Variants in NRF1 observed in about 807,000 individuals in gnomAD.
NRF1 encodes the protein nuclear respiratory factor 1.
Under a neutral mutation model 58.5 loss-of-function variants are expected in NRF1, and 5 were observed. The ratio of observed to expected loss-of-function variants is 0.09; its 90% CI spans 0.04 to 0.18. The LOEUF is 0.18. Among genes scored for constraint, NRF1 ranks in the 10% least tolerant of loss-of-function variants. The probability of loss-of-function intolerance (pLI) is 1.00; values close to 1 mark genes in which losing one functional copy is unlikely to be tolerated. For synonymous variants in NRF1, 224 were observed against 246.7 expected (o/e 0.91, Z 0.86); for missense variants, 288 against 657.7 (o/e 0.44, Z 6.15).
chr7:129,754,997 G>A, intron 10 of NRF1, 21 bp from the exon 11 acceptor site: 1 of 1,565,308 alleles, frequency 6.4e-7, no homozygotes, highest in South Asian at 1.2e-5. Flanking sequence ...CCCACCAACG[G>A]TCTTCTCTTT....
chr7:129,707,515 CCTTT>C (rs1802979382), intron 5 of NRF1, among the ~76,000 whole-genome samples: 1 of 152,064 alleles, frequency 6.6e-6, no homozygotes, highest in African/African-American at 2.4e-5. Context: ...AAGATTAAGC[CCTTT>C]CTTGCTCTAT....
At chr7:129,712,482 C>T (rs1247735292) in intron 8 of NRF1, among the ~76,000 whole-genome samples, 2 of 152,176 alleles carry the variant, frequency 1.3e-5, no homozygotes, top group African/African-American at 2.4e-5. Flanking sequence ...TTGTGCCCCT[C>T]AGGAGAGGGG....
At chr7:129,719,833 G>A (rs1048151870) in intron 9 of NRF1, among the ~76,000 whole-genome samples, 1 of 152,260 alleles carries the variant, frequency 6.6e-6, no homozygotes, top group Middle Eastern at 3.4e-3. Context: ...CCGCCCGACT[G>A]TAGCTTGGGG....
intron 1 of NRF1, among the ~76,000 whole-genome samples, chr7:129,627,266 A>G (rs12537713): frequency 0.13 from 20,279 of 152,202 alleles, 1,680 homozygotes; most frequent in Admixed American, 0.23. Flanking sequence ...GCTGGAGTGT[A>G]GTTAGCACAG....
At chr7:129,668,274 C>T (rs768802929) in intron 2 of NRF1, among the ~76,000 whole-genome samples, 21 of 152,206 alleles carry the variant, frequency 1.4e-4, no homozygotes, top group Admixed American at 1.3e-3. Context: ...GTCAGTTCCA[C>T]ACTAGTTTAA....
intron 1 of NRF1, among the ~76,000 whole-genome samples, chr7:129,629,152 C>G (rs1800991020): frequency 1.3e-5 from 2 of 152,148 alleles, no homozygotes; most frequent in South Asian, 4.1e-4. Flanking sequence ...GAGAAAATGT[C>G]TGTCAAATAC....
intron 10 of NRF1, among the ~76,000 whole-genome samples, chr7:129,728,004 G>C (rs1167912625): frequency 6.6e-6 from 1 of 152,108 alleles, no homozygotes; most frequent in African/African-American, 2.4e-5. Context: ...GAAATATGGT[G>C]GCAAAAATAT....
chr7:129,625,642 A>T (rs1800895857), intron 1 of NRF1, among the ~76,000 whole-genome samples: 2 of 148,846 alleles, frequency 1.3e-5, no homozygotes, highest in South Asian at 4.3e-4. Flanking sequence ...CTGGGACTGC[A>T]GGCATGTGCC....
chr7:129,748,164 A>T (rs1281588705), intron 10 of NRF1, among the ~76,000 whole-genome samples: 2 of 150,072 alleles, frequency 1.3e-5, no homozygotes, highest in African/African-American at 2.5e-5. Flanking sequence ...AATCCCAGCT[A>T]CTCAGGAGGC....
chr7:129,741,999 T>C lies in NRF1; in HGVS notation c.1349-13019T>C, dbSNP rs1187204973. On this transcript the variant is annotated intron_variant, in intron 10 of 10. Transcript: ENST00000393232. The surrounding 1 kb of genome is among the most constrained non-coding windows in gnomAD (Gnocchi z 4.0). ...AGGATATCAAATGAAGGGGAGGTTG[T>C]GGTTGGAGTCAGTGAAGTGAATGTC... Among the ~76,000 whole-genome samples the C allele has an allele frequency of 1.3e-5, 2 of 152,288 alleles. No homozygotes were observed. The highest frequency in any genetic ancestry group is 3.9e-4 in the East Asian group (2 of 5,180).
chr7:129,704,903 T>G (rs147936451), intron 5 of NRF1, among the ~76,000 whole-genome samples: 135 of 152,322 alleles, frequency 8.9e-4, no homozygotes, highest in African/African-American at 3.0e-3. Flanking sequence ...TGTTTCTGAG[T>G]CCTTATTTGT....
At chr7:129,653,291 AT>A (rs1327171166) in intron 1 of NRF1, among the ~76,000 whole-genome samples, 1 of 152,168 alleles carries the variant, frequency 6.6e-6, no homozygotes, top group African/African-American at 2.4e-5. Context: ...ATAAAACTGT[AT>A]TTTTTATAGC....
At chr7:129,659,722 C>G (rs989561683) in intron 2 of NRF1, among the ~76,000 whole-genome samples, 2 of 152,200 alleles carry the variant, frequency 1.3e-5, no homozygotes, top group Admixed American at 6.5e-5. Flanking sequence ...TGGCCTGCCC[C>G]CCTCTCCCGG....
intron 2 of NRF1, 124 bp downstream of exon 2, chr7:129,657,698 C>T: frequency 1.6e-6 from 1 of 642,796 alleles, no homozygotes; most frequent in Non-Finnish European, 2.6e-6. Context: ...CAGCCTTGAT[C>T]TTCCGGGTTC....
At chr7:129,662,115 C>T (rs186718518) in intron 2 of NRF1, among the ~76,000 whole-genome samples, 153 of 150,782 alleles carry the variant, frequency 1.0e-3, no homozygotes, top group Non-Finnish European at 1.8e-3. Flanking sequence ...AAGACCTGCC[C>T]GCATGATTCA....
chr7:129,707,626 C>T lies in NRF1; in HGVS notation c.607-1449C>T, dbSNP rs755879777. 2.0e-5 allele frequency among the ~76,000 whole-genome samples: 3 copies of T among 152,056 alleles called. No homozygotes were observed. In the East Asian group the frequency reaches 5.8e-4, roughly 29 times the overall value. ...TTCTTAAAATAACTGAAGTAATGACCGCATGAGCCAGCTGATGGGTTTTTA... is the reference window on the plus strand; with the variant it reads ...TTCTTAAAATAACTGAAGTAATGACTGCATGAGCCAGCTGATGGGTTTTTA... On this transcript the variant is annotated intron_variant, in intron 5 of 10. Transcript: ENST00000393232.
At chr7:129,692,699 CTATGTAATCTG>C (rs1262941752) in intron 5 of NRF1, among the ~76,000 whole-genome samples, 1 of 152,134 alleles carries the variant, frequency 6.6e-6, no homozygotes. Flanking sequence ...TTTGAAGGCC[CTATGTAATCTG>C]ACCTCTTCCT....
At chr7:129,689,280 A>T (rs1307422093) in intron 4 of NRF1, among the ~76,000 whole-genome samples, 1 of 152,172 alleles carries the variant, frequency 6.6e-6, no homozygotes, top group African/African-American at 2.4e-5. Context: ...TTTAATCCAC[A>T]TAATGAGGTA....
chr7:129,696,295 G>C (rs10230364), intron 5 of NRF1, among the ~76,000 whole-genome samples: 189 of 152,204 alleles, frequency 1.2e-3, no homozygotes, highest in African/African-American at 4.4e-3. Context: ...TAATGTTTCT[G>C]CTTTGTTTTA....
Sources: allele counts gnomAD v4.1 joint callset (sites outside exome capture counted in the v4.1 genomes callset), GRCh38; gene constraint gnomAD v4.1.1; non-coding constraint Gnocchi (gnomAD v3.1); transcripts MANE v1.5; gene names NCBI Gene and HGNC (gene_info 2026-07-23, HGNC 2026-07-21).